The following NINL variants were observed in gnomAD, a reference collection of about 807,000 sequenced individuals.
The protein encoded by NINL is ninein like.
In NINL, 153 loss-of-function variants were observed where a neutral mutation model predicts 160.3. That is an observed-to-expected ratio of 0.95 (90% CI 0.84 to 1.09). The LOEUF (loss-of-function observed/expected upper bound fraction) is 1.09, where lower values mean the gene tolerates loss of function less well. NINL is among the 50% of genes least tolerant of loss of function. NINL has a pLI of 0.00. For missense variants in NINL, 1,829 were observed against 1,764.0 expected (o/e 1.04, Z -0.66); for synonymous variants, 800 against 734.8 (o/e 1.09, Z -1.43).
At chr20:25,581,083 G>A (rs148759100) in intron 1 of NINL, among the ~76,000 whole-genome samples, 22 of 152,292 alleles carry the variant, frequency 1.4e-4, no homozygotes, top group African/African-American at 4.8e-4. Flanking sequence ...TTTGCTTCCT[G>A]CTTCCAAATC....
chr20:25,462,358 GCT>G (rs763555078), intron 20 of NINL, 23 bp downstream of exon 20: 5 of 1,608,546 alleles, frequency 3.1e-6, no homozygotes, highest in South Asian at 2.2e-5. Context: ...CTCCAGCTCA[GCT>G]CCCTGCGGCT....
At chr20:25,461,713 A>T in intron 20 of NINL, 78 bp from the exon 21 acceptor site, 3 of 982,036 alleles carry the variant, frequency 3.1e-6, no homozygotes, top group Non-Finnish European at 4.7e-6. Context: ...AAACCTCAGA[A>T]AATTACAGAA....
intron 10 of NINL, 31 bp downstream of exon 10, chr20:25,496,632 T>C: frequency 6.2e-7 from 1 of 1,611,122 alleles, no homozygotes; most frequent in Non-Finnish European, 8.5e-7. Context: ...GAGGCCCAGG[T>C]AAGAATCCAC....
chr20:25,529,987 C>G (rs1166435729), intron 1 of NINL, among the ~76,000 whole-genome samples: 1 of 152,222 alleles, frequency 6.6e-6, no homozygotes, highest in African/African-American at 2.4e-5. Flanking sequence ...CTCACCCAGC[C>G]CACCAGGGCC....
At chr20:25,537,176 T>G (rs2064572465) in intron 1 of NINL, among the ~76,000 whole-genome samples, 1 of 152,140 alleles carries the variant, frequency 6.6e-6, no homozygotes, top group African/African-American at 2.4e-5. Flanking sequence ...CTCAACCTCC[T>G]GGGCTCAAGT....
intron 17 of NINL, among the ~76,000 whole-genome samples, chr20:25,473,746 T>G (rs867621884): frequency 4.0e-5 from 6 of 151,434 alleles, no homozygotes; most frequent in South Asian, 4.2e-4. Flanking sequence ...TGGGCACATG[T>G]AATCCCAGCT....
intron 1 of NINL, among the ~76,000 whole-genome samples, chr20:25,551,316 CTCTT>C (rs1475845897): frequency 6.6e-6 from 1 of 152,062 alleles, no homozygotes; most frequent in Non-Finnish European, 1.5e-5. Context: ...AGTCTGATCT[CTCTT>C]TCTTTCCCCC....
At position 25,493,291 on chromosome 20, in the gene NINL, C is replaced by T. The variant is rs186357189; in HGVS notation, c.1311-1766G>A. On this transcript the variant is annotated intron_variant, in intron 10 of 23. Coordinates refer to ENST00000278886, the MANE Select transcript of NINL (RefSeq NM_025176.6). ...ACCCCAAGGCTGGGATGAGGCTGTG[C>T]TCGGGAGAACGAAGTCGCTGGAGGT... 4.1e-4 allele frequency among the ~76,000 whole-genome samples: 63 copies of T among 152,260 alleles called. 2 individuals are homozygous for T. The East Asian group carries it at 0.012, about 28-fold the overall frequency.
chr20:25,548,451 G>A (rs2064761503), intron 1 of NINL, among the ~76,000 whole-genome samples: 2 of 152,138 alleles, frequency 1.3e-5, no homozygotes, highest in Non-Finnish European at 2.9e-5. Context: ...GCTGGCCTAT[G>A]GGCTGGCCCT....
rs142420698 is a variant in NINL at position 25,491,012 on chromosome 20, C to A, written c.1485+339G>T. ...GGCAGGCTGGGCTTTAGGTTCTGGT[C>A]TCTTTGCTGCCCCCATGGGTGTTCC... is the stretch of plus-strand genomic sequence containing the variant. On this transcript the variant is annotated intron_variant, in intron 11 of 23. Coordinates refer to ENST00000278886, the MANE Select transcript of NINL (RefSeq NM_025176.6). Among the ~76,000 whole-genome samples, 422 of 152,214 alleles carry A rather than the reference C, an allele frequency of 2.8e-3. 2 individuals carry two copies. Among genetic ancestry groups the A allele is most frequent in the Non-Finnish European group, 5.4e-3 (365 of 67,946 alleles).
At chr20:25,558,597 C>A (rs2147122189) in intron 1 of NINL, among the ~76,000 whole-genome samples, 1 of 152,352 alleles carries the variant, frequency 6.6e-6, no homozygotes, top group Middle Eastern at 3.4e-3. Flanking sequence ...TGCAATGATG[C>A]CTTTTTCCTT....
At chr20:25,541,861 T>C (rs1295571330) in intron 1 of NINL, among the ~76,000 whole-genome samples, 1 of 152,124 alleles carries the variant, frequency 6.6e-6, no homozygotes, top group Non-Finnish European at 1.5e-5. Context: ...ACAAGAATCA[T>C]CCGTGTATGA....
rs751787363 is a variant in NINL, at chr20:25,504,938, C to A, written c.658G>T (p.Glu220Ter). The change falls in exon 6 of 24, where the codon GAG (glutamate) becomes TAG (stop). Residue 220 changes from glutamate to a stop codon, truncating the protein, a stop_gained. Coordinates refer to ENST00000278886, the MANE Select transcript of NINL (RefSeq NM_025176.6). LOFTEE classifies it high-confidence loss of function. ...VGSSGHLSEQELAVVCQSVGL... is the reference protein window; with the variant it reads ...VGSSGHLSEQ ...ACGCTCTGGCAGACCACAGCCAGCT[C>A]CTGCTCGCTCAGGTGTCCGCTGCTG... is the stretch of plus-strand genomic sequence containing the variant. 6.2e-7 allele frequency: 1 copy of A among 1,612,604 alleles called. No homozygotes were observed. Among genetic ancestry groups the A allele is most frequent in the Non-Finnish European group, 8.5e-7 (1 of 1,179,980 alleles).
At chr20:25,520,682 T>C (rs2040551640) in intron 2 of NINL, among the ~76,000 whole-genome samples, 1 of 152,238 alleles carries the variant, frequency 6.6e-6, no homozygotes, top group Non-Finnish European at 1.5e-5. Flanking sequence ...AGGTTGACAG[T>C]TATTTTCTTC....
At chr20:25,500,693 C>CAGAGAA (rs1219984741) in intron 8 of NINL, 147 bp downstream of exon 8, 1 of 665,566 alleles carries the variant, frequency 1.5e-6, no homozygotes. Context: ...AGATAGGTTT[C>CAGAGAA]TACCTGGACT....
Position 25,508,088 on chromosome 20 carries a change from C to G in NINL, c.517+2586G>C, listed in dbSNP as rs61416782. On this transcript the variant is annotated intron_variant, in intron 5 of 23. Transcript: ENST00000278886. ...ACATCAAGTTCAAGGATGTAAGACA[C>G]GGCAGCTTGGCTGACTTTTCTCAGC... 2.0e-5 allele frequency among the ~76,000 whole-genome samples: 3 copies of G among 152,318 alleles called. No homozygotes were observed. The South Asian group carries it at 6.2e-4, about 32-fold the overall frequency.
intron 7 of NINL, among the ~76,000 whole-genome samples, chr20:25,501,257 G>C (rs564931699): frequency 6.6e-6 from 1 of 152,366 alleles, no homozygotes; most frequent in Non-Finnish European, 1.5e-5. Flanking sequence ...AGGACTCTGA[G>C]GCCTTGCACC....
Position 25,453,454 on chromosome 20 carries a change from C to A in NINL, c.4146G>T (p.Val1382=). The A allele has an allele frequency of 6.2e-7, 1 of 1,605,180 alleles. No homozygotes were observed. The highest frequency in any genetic ancestry group is 8.5e-7 in the Non-Finnish European group (1 of 1,175,880). ...AATCCTAGAAAATAATCTGTCTTTA[C>A]ACAGAGAGGGCTGCGGGGGCAATCC... is the stretch of plus-strand genomic sequence containing the variant. ...VSRIAPAALS[V] is the part of the protein sequence containing the mutation. The change falls in exon 24 of 24, where the codon GTG becomes GTT. Residue 1382 remains valine, a synonymous_variant. Transcript: ENST00000278886.
At chr20:25,582,641 C>G (rs1229724367) in intron 1 of NINL, among the ~76,000 whole-genome samples, 1 of 152,128 alleles carries the variant, frequency 6.6e-6, no homozygotes, top group Non-Finnish European at 1.5e-5. Flanking sequence ...TCATTTAAAC[C>G]ACTAATGGAT....
Sources: gnomAD v4.1 joint callset for allele counts (sites outside exome capture counted in the v4.1 genomes callset) on GRCh38, gnomAD v4.1.1 for gene constraint, MANE v1.5 for transcripts, NCBI Gene and HGNC (gene_info 2026-07-23, HGNC 2026-07-21) for gene names.